Variants in DOCK11 observed in about 807,000 individuals in gnomAD.
DOCK11 encodes the protein dedicator of cytokinesis protein 11.
In DOCK11, 70 loss-of-function variants were observed where a neutral mutation model predicts 169.1. That is an observed-to-expected ratio of 0.41 (90% confidence interval 0.34 to 0.51). The LOEUF is 0.51. Ranked by LOEUF, DOCK11 falls within the 20% of genes least tolerant of loss-of-function variation. DOCK11 has a pLI of 0.10. For synonymous variants in DOCK11, 529 were observed against 541.3 expected, an observed-to-expected ratio of 0.98 and a Z score of 0.32; for missense variants, 1,166 against 1,538.8, an observed-to-expected ratio of 0.76 and a Z score of 4.05.
chrX:118,549,654 A>G (rs1388287916), intron 6 of DOCK11, among the ~76,000 whole-genome samples: 1 of 111,270 alleles, frequency 9.0e-6, no homozygotes, highest in Non-Finnish European at 1.9e-5. Context: ...CCCAGGCTCA[A>G]GCAGTCCTCC....
At chrX:118,610,658 A>C (rs2014660153) in intron 28 of DOCK11, among the ~76,000 whole-genome samples, 1 of 111,575 alleles carries the variant, frequency 9.0e-6, no homozygotes, top group Admixed American at 9.5e-5. Context: ...AGAATGTTGG[A>C]TCGTATGGTA....
chrX:118,565,865 T>C, intron 7 of DOCK11, 140 bp from the exon 8 acceptor site: 1 of 606,631 alleles, frequency 1.6e-6, no homozygotes, highest in Non-Finnish European at 2.7e-6. Context: ...TGTCTGTTTC[T>C]TACTGAAAGA....
intron 15 of DOCK11, 88 bp from the exon 16 acceptor site, chrX:118,584,953 T>G: frequency 8.8e-7 from 1 of 1,138,311 alleles, no homozygotes. Context: ...AAAAACAGAA[T>G]GATTAAAATT....
chrX:118,505,794 G>A (rs935871439), intron 1 of DOCK11, among the ~76,000 whole-genome samples: 3 of 112,406 alleles, frequency 2.7e-5, no homozygotes, highest in African/African-American at 9.7e-5. Context: ...CTGTGCCTTG[G>A]GCCGGAAGGC....
At chrX:118,616,270 G>T in intron 30 of DOCK11, 1 of 932,634 alleles carries the variant, frequency 1.1e-6, no homozygotes, top group Non-Finnish European at 1.4e-6. Flanking sequence ...CTCTAAATTA[G>T]CTTGCTGTTT....
intron 20 of DOCK11, among the ~76,000 whole-genome samples, chrX:118,594,745 C>T (rs957742202): frequency 1.8e-5 from 2 of 111,095 alleles, no homozygotes; most frequent in African/African-American, 6.6e-5. Flanking sequence ...CTCAGAAGAG[C>T]GAGTTATTCA....
At chrX:118,609,949 T>C (rs985422350) in intron 27 of DOCK11, among the ~76,000 whole-genome samples, 14 of 112,392 alleles carry the variant, frequency 1.2e-4, no homozygotes, top group African/African-American at 4.2e-4. Context: ...TTGAAGTGCA[T>C]GCATACTTTG....
chrX:118,615,840 T>A lies in DOCK11; in HGVS notation c.3292+129T>A, dbSNP rs1001627078. 5 of 513,084 alleles carry A rather than the reference T, an allele frequency of 9.7e-6. No individual in the cohort carries two copies. The African/African-American group carries it at 1.2e-4, about 12-fold the overall frequency. 42.3% of individuals were successfully genotyped at this position (513,084 alleles called of 1,213,427 possible). On this transcript the variant is annotated intron_variant, in intron 30 of 52. Transcript: ENST00000276202. The stretch of plus-strand genomic sequence containing the variant: ...ATTTCAGAATTGTTACTATCTGAAG[T>A]CCATTAATGTTTTTCTGCATTTCCT...
intron 12 of DOCK11, 46 bp downstream of exon 12, chrX:118,574,064 CAG>C (rs747916588): frequency 8.7e-5 from 96 of 1,104,929 alleles, no homozygotes; most frequent in Non-Finnish European, 7.4e-6. Flanking sequence ...GAATAAGAAA[CAG>C]AAATATTCTT....
At position 118,685,858 on chromosome X, in the gene DOCK11, G is replaced by A; in HGVS notation, c.*51G>A. The stretch of plus-strand genomic sequence containing the variant: ...AGACTGACCTTTCTCAGGAATATTT[G>A]GAGCTGTGCAAATGTTAAAATTTAA... On this transcript the variant is annotated 3_prime_UTR_variant, in exon 53 of 53. Coordinates refer to ENST00000276202, the MANE Select transcript of DOCK11 (RefSeq NM_144658.4). 8.4e-7 allele frequency: 1 copy of A among 1,185,831 alleles called. No homozygotes were observed. The highest frequency in any genetic ancestry group is 1.1e-6 in the Non-Finnish European group (1 of 881,174).
At chrX:118,506,984 C>T (rs770199063) in intron 1 of DOCK11, among the ~76,000 whole-genome samples, 5 of 112,059 alleles carry the variant, frequency 4.5e-5, no homozygotes, top group African/African-American at 6.5e-5. Flanking sequence ...GAAAACATGC[C>T]GAGTGTTCCA....
intron 44 of DOCK11, among the ~76,000 whole-genome samples, chrX:118,661,155 G>A (rs2016204520): frequency 9.4e-6 from 1 of 106,397 alleles, no homozygotes; most frequent in African/African-American, 3.5e-5. Flanking sequence ...GCTGGAATGA[G>A]CTATGATCAC....
intron 1 of DOCK11, among the ~76,000 whole-genome samples, chrX:118,517,849 A>C (rs1425830978): frequency 8.9e-6 from 1 of 112,144 alleles, no homozygotes; most frequent in Non-Finnish European, 1.9e-5. Context: ...ATAGTCTTAC[A>C]CTAGATATTT....
At chrX:118,580,015 G>T in intron 13 of DOCK11, 82 bp from the exon 14 acceptor site, 1 of 784,619 alleles carries the variant, frequency 1.3e-6, no homozygotes. Context: ...TTTTGTAATG[G>T]TAGGTTGGGG....
intron 32 of DOCK11, among the ~76,000 whole-genome samples, chrX:118,627,163 G>A (rs1032286339): frequency 4.5e-5 from 5 of 111,503 alleles, no homozygotes; most frequent in African/African-American, 1.6e-4. Context: ...AGGAGGTTGA[G>A]GCTACAGTGA....
intron 30 of DOCK11, among the ~76,000 whole-genome samples, chrX:118,617,750 G>C (rs914486714): frequency 9.1e-6 from 1 of 110,202 alleles, no homozygotes; most frequent in African/African-American, 3.3e-5. Flanking sequence ...GGGCATGGTG[G>C]TGCACGTCTA....
chrX:118,541,322 C>T (rs1481695162), intron 1 of DOCK11, among the ~76,000 whole-genome samples: 1 of 111,681 alleles, frequency 9.0e-6, no homozygotes, highest in Non-Finnish European at 1.9e-5. Context: ...GCTGTGGGTG[C>T]ATGTACAGTA....
chrX:118,627,207 T>A (rs928399840), intron 32 of DOCK11, among the ~76,000 whole-genome samples: 46 of 111,274 alleles, frequency 4.1e-4, no homozygotes, highest in African/African-American at 1.3e-3. Flanking sequence ...TAGCCTGGAC[T>A]ACACAGCAAG....
At chrX:118,640,094 G>A (rs1312048164) in intron 38 of DOCK11, among the ~76,000 whole-genome samples, 4 of 112,093 alleles carry the variant, frequency 3.6e-5, no homozygotes, top group African/African-American at 1.3e-4. Context: ...TGCAGAAATC[G>A]GTGAATCCTA....
Sources: gnomAD v4.1 joint callset for allele counts (sites outside exome capture counted in the v4.1 genomes callset) on GRCh38, gnomAD v4.1.1 for gene constraint, MANE v1.5 for transcripts, NCBI Gene and HGNC (gene_info 2026-07-23, HGNC 2026-07-21) for gene names.